The following SCAPER variants were observed in gnomAD, a reference collection of about 807,000 sequenced individuals.
SCAPER encodes S phase cyclin A-associated protein in the endoplasmic reticulum.
Under a neutral mutation model 182.2 loss-of-function variants are expected in SCAPER, and 98 were observed. The observed-to-expected ratio is 0.54, with a 90% CI of 0.46 to 0.64. The LOEUF is 0.64. SCAPER is among the 30% of genes least tolerant of loss of function. The pLI is 0.00. For missense variants in SCAPER, 1,432 were observed against 1,690.0 expected (o/e 0.85, Z 2.68); for synonymous variants, 605 against 564.6 (o/e 1.07, Z -1.01).
chr15:76,900,865 T>C (rs1009461785), intron 1 of SCAPER, among the ~76,000 whole-genome samples: 3 of 152,210 alleles, frequency 2.0e-5, no homozygotes, highest in African/African-American at 7.2e-5. Context: ...TATTGGTCAA[T>C]AAATTGTAGA....
intron 29 of SCAPER, among the ~76,000 whole-genome samples, chr15:76,356,493 G>A (rs1290412777): frequency 1.3e-5 from 2 of 152,180 alleles, no homozygotes; most frequent in Non-Finnish European, 2.9e-5. Flanking sequence ...TCCAAAGTCA[G>A]TGGAGTCATC....
intron 2 of SCAPER, among the ~76,000 whole-genome samples, chr15:76,868,416 A>C (rs997668873): frequency 1.3e-5 from 2 of 152,134 alleles, no homozygotes; most frequent in Non-Finnish European, 2.9e-5. Flanking sequence ...AAAAACCTAA[A>C]GACTACACCA....
Position 76,354,206 on chromosome 15 carries a change from C to G in SCAPER, c.3856-66G>C. 2 of 1,473,294 alleles carry G rather than the reference C, an allele frequency of 1.4e-6. No homozygotes were observed. 91.3% of individuals were successfully genotyped at this position (1,473,294 alleles called of 1,614,324 possible). On this transcript the variant is annotated intron_variant, in intron 29 of 31. Coordinates refer to ENST00000563290, the MANE Select transcript of SCAPER (RefSeq NM_020843.4). This position sits in a 1 kb window ranked among gnomAD's most constrained non-coding sequence, Gnocchi z 4.4. ...CCAGCCTGTCCCTCACCCACCTGCA[C>G]AGTGTCGGCTAGTACCATGGAAAAC...
At chr15:76,719,845 C>A (rs2060102300) in intron 17 of SCAPER, among the ~76,000 whole-genome samples, 1 of 150,540 alleles carries the variant, frequency 6.6e-6, no homozygotes, top group Non-Finnish European at 1.5e-5. Flanking sequence ...GTAGAAAACG[C>A]TAAAAAAAAT....
At chr15:76,581,800 G>T (rs559539513) in intron 22 of SCAPER, among the ~76,000 whole-genome samples, 6 of 152,088 alleles carry the variant, frequency 3.9e-5, no homozygotes, top group African/African-American at 1.4e-4. Context: ...TGCCCAGGCT[G>T]GTCTCGAACT....
At chr15:76,516,949 A>G (rs1287267820) in intron 23 of SCAPER, among the ~76,000 whole-genome samples, 1 of 152,164 alleles carries the variant, frequency 6.6e-6, no homozygotes, top group Non-Finnish European at 1.5e-5. Context: ...CAACAATCCT[A>G]TGAGGTAGGA....
chr15:76,506,325 T>C (rs1047358674), intron 23 of SCAPER, among the ~76,000 whole-genome samples: 1 of 152,174 alleles, frequency 6.6e-6, no homozygotes, highest in African/African-American at 2.4e-5. Context: ...TACTCAGATG[T>C]GATTATTAAG....
chr15:76,615,337 T>C (rs144449473), intron 22 of SCAPER, among the ~76,000 whole-genome samples: 9 of 151,786 alleles, frequency 5.9e-5, no homozygotes, highest in African/African-American at 2.2e-4. Flanking sequence ...CCCAAGCTAC[T>C]TGGGAGGCTG....
intron 25 of SCAPER, among the ~76,000 whole-genome samples, chr15:76,468,315 T>C (rs2049851798): frequency 6.6e-6 from 1 of 151,750 alleles, no homozygotes. Context: ...GTGCCATGTA[T>C]AAGAAAAAAA....
At chr15:76,637,523 C>T (rs1030576483) in intron 21 of SCAPER, among the ~76,000 whole-genome samples, 1 of 151,234 alleles carries the variant, frequency 6.6e-6, no homozygotes, top group African/African-American at 2.4e-5. Context: ...ACAGTGAGAC[C>T]CCCCCATCTC....
intron 2 of SCAPER, among the ~76,000 whole-genome samples, chr15:76,876,768 T>C (rs1424806466): frequency 6.6e-6 from 1 of 152,090 alleles, no homozygotes; most frequent in East Asian, 1.9e-4. Flanking sequence ...GGTATAAAAC[T>C]GAAAAAGACA....
At chr15:76,845,559 A>G (rs2069982020) in intron 4 of SCAPER, among the ~76,000 whole-genome samples, 1 of 152,154 alleles carries the variant, frequency 6.6e-6, no homozygotes, top group Non-Finnish European at 1.5e-5. Context: ...GCATTTCTAC[A>G]TGCTAACAGT....
chr15:76,496,848 T>C (rs1050947851), intron 24 of SCAPER, among the ~76,000 whole-genome samples: 26 of 152,318 alleles, frequency 1.7e-4, no homozygotes, highest in African/African-American at 6.0e-4. Context: ...TCAAATATTT[T>C]CAAGCCAATC....
intron 29 of SCAPER, among the ~76,000 whole-genome samples, chr15:76,367,664 A>G (rs1034385451): frequency 6.6e-6 from 1 of 152,110 alleles, no homozygotes; most frequent in Non-Finnish European, 1.5e-5. Flanking sequence ...GTGGAGTAAA[A>G]AATGTATCTA....
intron 21 of SCAPER, among the ~76,000 whole-genome samples, chr15:76,634,175 G>GGGGATCTGTGGGAAAA (rs2053398486): frequency 1.3e-5 from 2 of 152,202 alleles, no homozygotes; most frequent in Non-Finnish European, 2.9e-5. Context: ...GGAAAAGCAT[G>GGGGATCTGTGGGAAAA]GTTTTCAGGG....
chr15:76,786,046 G>A (rs2064573402), intron 8 of SCAPER, among the ~76,000 whole-genome samples: 1 of 151,828 alleles, frequency 6.6e-6, no homozygotes, highest in Non-Finnish European at 1.5e-5. Flanking sequence ...AAAAATCAAT[G>A]GGCTGAGTAC....
rs529706573 is a variant in SCAPER, at chr15:76,596,430, T to C, written c.2712-22146A>G. Among the ~76,000 whole-genome samples, 39 of 115,490 alleles carry C rather than the reference T, an allele frequency of 3.4e-4. 12 individuals carry two copies. In the South Asian group the frequency reaches 8.5e-3, roughly 25 times the overall value. The allele number at this position is 115,490 out of a possible 152,430, so 75.8% of individuals were successfully genotyped here. ...TTCCTTTTAAAACTACTTCAAACAA[T>C]AGAAAAAGACGGACTCCTCCCTAAC... On this transcript the variant is annotated intron_variant, in intron 22 of 31. Transcript: ENST00000563290.
chr15:76,670,700 C>A (rs1165985065), intron 20 of SCAPER, among the ~76,000 whole-genome samples: 1 of 152,180 alleles, frequency 6.6e-6, no homozygotes, highest in Non-Finnish European at 1.5e-5. Context: ...GATTAGTTAA[C>A]TGAAATATTG....
intron 23 of SCAPER, chr15:76,567,459 T>C (rs892978838): frequency 2.6e-6 from 1 of 386,720 alleles, no homozygotes; most frequent in African/African-American, 2.1e-5. Context: ...AACAGCAGAC[T>C]GTTTGCTACA....
Sources: allele counts gnomAD v4.1 joint callset (sites outside exome capture counted in the v4.1 genomes callset), GRCh38; gene constraint gnomAD v4.1.1; non-coding constraint Gnocchi (gnomAD v3.1); transcripts MANE v1.5; gene names NCBI Gene and HGNC (gene_info 2026-07-23, HGNC 2026-07-21).